Variants in CHCHD6 observed in about 807,000 individuals in gnomAD.
CHCHD6 encodes the protein MICOS complex subunit MIC25.
CHCHD6 carries 28 observed loss-of-function variants against 32.3 expected under a neutral mutation model. The ratio of observed to expected loss-of-function variants is 0.87; its 90% CI spans 0.64 to 1.19. The LOEUF (loss-of-function observed/expected upper bound fraction) is 1.19. Ranked by LOEUF, CHCHD6 falls within the 50% of genes most tolerant of loss-of-function variation. The pLI is 0.00. For synonymous variants in CHCHD6, 122 were observed against 117.5 expected, an observed-to-expected ratio of 1.04 and a Z score of -0.25; for missense variants, 333 against 307.0, an observed-to-expected ratio of 1.08 and a Z score of -0.63.
intron 5 of CHCHD6, among the ~76,000 whole-genome samples, chr3:126,886,359 G>A (rs151010500): frequency 2.6e-5 from 4 of 152,204 alleles, no homozygotes; most frequent in African/African-American, 9.7e-5. Flanking sequence ...TCTTAGGAGT[G>A]TGATGGGATC....
chr3:126,789,756 G>A (rs12497180), intron 4 of CHCHD6, among the ~76,000 whole-genome samples: 44,659 of 151,968 alleles, frequency 0.29, 7,234 homozygotes, highest in East Asian at 0.64. Flanking sequence ...ACAGCACACC[G>A]ATGGGTCTTG....
At chr3:126,945,611 G>C (rs78302950) in intron 6 of CHCHD6, among the ~76,000 whole-genome samples, 3 of 141,620 alleles carry the variant, frequency 2.1e-5, no homozygotes, top group Admixed American at 1.4e-4. Context: ...GACTCGGTGT[G>C]GGGGAGACTT....
chr3:126,766,412 G>A lies in CHCHD6; in HGVS notation c.411+33190G>A. 5.2e-6 allele frequency: 3 copies of A among 580,540 alleles called. No homozygotes were observed. The Admixed American group carries it at 6.7e-5, about 13-fold the overall frequency. The allele number at this position is 580,540 out of a possible 1,614,324, so 36.0% of individuals were successfully genotyped here. A position where few individuals can be genotyped will look rare whatever the true frequency, so the allele number is the denominator to read the frequency against. On this transcript the variant is annotated intron_variant, in intron 4 of 7. Transcript: ENST00000290913. ...TGACAGCTGCCACGAGAGGTGTAGAGTCGGAGAAGTCTCTGGGAGCATCAA... is the reference window on the plus strand; with the variant it reads ...TGACAGCTGCCACGAGAGGTGTAGAATCGGAGAAGTCTCTGGGAGCATCAA...
At chr3:126,754,025 G>A (rs1364808533) in intron 4 of CHCHD6, among the ~76,000 whole-genome samples, 1 of 152,206 alleles carries the variant, frequency 6.6e-6, no homozygotes, top group Non-Finnish European at 1.5e-5. Flanking sequence ...TAGAGTCCCA[G>A]CAGCATTGAC....
At chr3:126,759,245 A>G (rs373028626) in intron 4 of CHCHD6, among the ~76,000 whole-genome samples, 40 of 152,196 alleles carry the variant, frequency 2.6e-4, no homozygotes, top group East Asian at 1.7e-3. Flanking sequence ...CTCTACCTGT[A>G]TTGTTATTGA....
chr3:126,956,600 C>CGA (rs58750065), intron 6 of CHCHD6, among the ~76,000 whole-genome samples: 27,757 of 149,602 alleles, frequency 0.19, 4,199 homozygotes, highest in African/African-American at 0.41. Flanking sequence ...AGTGTGCGCA[C>CGA]GAGAGAGAGA....
chr3:126,904,562 A>G (rs950820540), intron 5 of CHCHD6, among the ~76,000 whole-genome samples: 5 of 152,142 alleles, frequency 3.3e-5, no homozygotes, highest in African/African-American at 4.8e-5. Context: ...GTGTGTGTGT[A>G]TGTATACATA....
intron 6 of CHCHD6, among the ~76,000 whole-genome samples, chr3:126,923,379 T>C (rs1227429658): frequency 6.6e-6 from 1 of 152,266 alleles, no homozygotes; most frequent in Admixed American, 6.5e-5. Context: ...GAGGTCAACC[T>C]AATATCTTAT....
intron 4 of CHCHD6, among the ~76,000 whole-genome samples, chr3:126,785,717 G>A (rs1033672003): frequency 8.6e-5 from 13 of 151,856 alleles, no homozygotes; most frequent in African/African-American, 2.7e-4. Context: ...TTTCATCATT[G>A]CAGACTCTAT....
intron 4 of CHCHD6, among the ~76,000 whole-genome samples, chr3:126,769,548 C>T (rs1256711898): frequency 1.3e-5 from 2 of 152,068 alleles, no homozygotes; most frequent in African/African-American, 2.4e-5. Context: ...CTGTTGCCCA[C>T]GCTAGAGTGC....
intron 4 of CHCHD6, among the ~76,000 whole-genome samples, chr3:126,814,175 G>A (rs56198151): frequency 6.6e-6 from 1 of 152,180 alleles, no homozygotes; most frequent in African/African-American, 2.4e-5. Context: ...ATGTCTCTAC[G>A]GAGAGAACAG....
chr3:126,747,550 T>G lies in CHCHD6; in HGVS notation c.411+14328T>G, dbSNP rs974569457. ...GCCACTGGCTTCTGGATCATGTTTC[T>G]CAGTCTTCCTACTAGTAAGGCTGGT... is the stretch of plus-strand genomic sequence containing the variant. On this transcript the variant is annotated intron_variant, in intron 4 of 7. Transcript: ENST00000290913. Among the ~76,000 whole-genome samples, 4 of 152,356 alleles carry G rather than the reference T, an allele frequency of 2.6e-5. No homozygotes were observed. In the South Asian group the frequency reaches 6.2e-4, roughly 24 times the overall value.
At chr3:126,865,578 C>G in intron 5 of CHCHD6, 1 of 985,378 alleles carries the variant, frequency 1.0e-6, no homozygotes. Flanking sequence ...CTGCTTCTCC[C>G]TCTTCCTCTA....
intron 6 of CHCHD6, among the ~76,000 whole-genome samples, chr3:126,956,278 A>G (rs1231104274): frequency 2.0e-5 from 3 of 152,138 alleles, no homozygotes. Context: ...GTGGTGTTCA[A>G]TTTGGAAAGG....
chr3:126,841,016 G>A (rs1385442906), intron 4 of CHCHD6, among the ~76,000 whole-genome samples: 2 of 151,978 alleles, frequency 1.3e-5, no homozygotes, highest in Non-Finnish European at 2.9e-5. Flanking sequence ...CTAGCATTAG[G>A]TATATCTCCC....
At chr3:126,759,740 T>C (rs888201394) in intron 4 of CHCHD6, among the ~76,000 whole-genome samples, 111 of 152,312 alleles carry the variant, frequency 7.3e-4, no homozygotes, top group African/African-American at 2.3e-3. Context: ...ACCATTAAAT[T>C]TGATTACTTG....
intron 5 of CHCHD6, among the ~76,000 whole-genome samples, chr3:126,861,530 A>C (rs999836454): frequency 5.3e-5 from 8 of 150,692 alleles, no homozygotes; most frequent in Non-Finnish European, 1.2e-4. Flanking sequence ...ACCACTACCA[A>C]CACCACCACC....
chr3:126,816,182 G>A (rs550662834), intron 4 of CHCHD6, among the ~76,000 whole-genome samples: 10 of 152,254 alleles, frequency 6.6e-5, no homozygotes, highest in East Asian at 3.9e-4. Flanking sequence ...TCCAAGAGGA[G>A]GAGTGTTGTT....
chr3:126,709,653 C>T (rs576327932), intron 1 of CHCHD6, among the ~76,000 whole-genome samples: 1 of 152,288 alleles, frequency 6.6e-6, no homozygotes, highest in African/African-American at 2.4e-5. Flanking sequence ...ATATCTTCAC[C>T]AACACTTGTT....
Sources: gnomAD v4.1 joint callset for allele counts (sites outside exome capture counted in the v4.1 genomes callset) on GRCh38, gnomAD v4.1.1 for gene constraint, MANE v1.5 for transcripts, NCBI Gene and HGNC (gene_info 2026-07-23, HGNC 2026-07-21) for gene names.